The following KDM4C variants were observed in gnomAD, a reference collection of about 807,000 sequenced individuals.
The protein encoded by KDM4C is lysine-specific demethylase 4C.
Under a neutral mutation model 129.3 loss-of-function variants are expected in KDM4C, and 81 were observed. That is an observed-to-expected ratio of 0.63 (90% CI 0.52 to 0.75). KDM4C has a LOEUF of 0.75. Among genes scored for constraint, KDM4C ranks in the 30% least tolerant of loss-of-function variants. The probability of loss-of-function intolerance (pLI) is 0.00; values close to 1 mark genes in which losing one functional copy is unlikely to be tolerated. For synonymous variants in KDM4C, 573 were observed against 456.1 expected, an observed-to-expected ratio of 1.26 and a Z score of -3.26; for missense variants, 1,457 against 1,304.0, an observed-to-expected ratio of 1.12 and a Z score of -1.81.
chr9:6,935,425 C>CT (rs968936054), intron 8 of KDM4C, among the ~76,000 whole-genome samples: 29 of 145,896 alleles, frequency 2.0e-4, no homozygotes, highest in South Asian at 1.3e-3. Flanking sequence ...ATTTTTTTTT[C>CT]TTTTTTTTTG....
chr9:6,805,959 T>C (rs537960271), intron 3 of KDM4C, among the ~76,000 whole-genome samples, 185 bp downstream of exon 3: 1 of 152,290 alleles, frequency 6.6e-6, no homozygotes, highest in Admixed American at 6.5e-5. Context: ...CTTAAAGAAA[T>C]TGCTCTTTAT....
chr9:6,725,813 A>G lies in KDM4C; in HGVS notation c.49+4816A>G, dbSNP rs1253052518. On this transcript the variant is annotated intron_variant, in intron 1 of 17. Coordinates refer to the KDM4C transcript ENST00000536108. Reference sequence around the variant, plus strand: ...CAACCTCCACCTCCGTGGTTCAAGCAATTCCCCTGCTTCAGCCTCCCAAGT... The same window carrying G: ...CAACCTCCACCTCCGTGGTTCAAGCGATTCCCCTGCTTCAGCCTCCCAAGT... Among the ~76,000 whole-genome samples the G allele has an allele frequency of 4.0e-5, 6 of 149,760 alleles. No individual in the cohort carries two copies. The Admixed American group carries it at 4.0e-4, about 10-fold the overall frequency.
intron 1 of KDM4C, among the ~76,000 whole-genome samples, chr9:6,731,476 A>G (rs1230536324): frequency 6.6e-6 from 1 of 151,810 alleles, no homozygotes; most frequent in East Asian, 1.9e-4. Context: ...ACAGGCATGC[A>G]CTACCTACCA....
chr9:6,995,068 C>T (rs1424677251), intron 12 of KDM4C, among the ~76,000 whole-genome samples: 1 of 151,012 alleles, frequency 6.6e-6, no homozygotes, highest in African/African-American at 2.4e-5. Context: ...TTTTTTTTTC[C>T]CCACCCACAA....
At chr9:6,949,590 G>T (rs1414195563) in intron 8 of KDM4C, among the ~76,000 whole-genome samples, 1 of 152,228 alleles carries the variant, frequency 6.6e-6, no homozygotes, top group Non-Finnish European at 1.5e-5. Context: ...TGCAATCCCG[G>T]CACCTCGGGA....
intron 8 of KDM4C, among the ~76,000 whole-genome samples, chr9:6,980,590 G>A (rs1046478269): frequency 1.7e-4 from 26 of 151,996 alleles, no homozygotes; most frequent in African/African-American, 2.7e-4. Context: ...ACCTTTTAGC[G>A]CTCAGTTCAT....
chr9:7,030,035 A>G (rs1247237946), intron 15 of KDM4C, among the ~76,000 whole-genome samples: 2 of 152,178 alleles, frequency 1.3e-5, no homozygotes, highest in Non-Finnish European at 2.9e-5. Flanking sequence ...TATAATCTAG[A>G]TATTAAATCA....
intron 1 of KDM4C, among the ~76,000 whole-genome samples, chr9:6,790,255 G>GT (rs1335271991): frequency 4.6e-5 from 7 of 151,078 alleles, no homozygotes; most frequent in South Asian, 2.1e-4. Flanking sequence ...GCCCTGCTCT[G>GT]TTTTTTTTGT....
At chr9:7,134,493 A>G (rs899830296) in intron 19 of KDM4C, among the ~76,000 whole-genome samples, 3 of 152,230 alleles carry the variant, frequency 2.0e-5, no homozygotes, top group African/African-American at 7.2e-5. Context: ...AACTATGATT[A>G]TAAATTTAAT....
chr9:7,063,942 A>G (rs562286419), intron 17 of KDM4C, among the ~76,000 whole-genome samples: 2 of 152,322 alleles, frequency 1.3e-5, no homozygotes, highest in Admixed American at 6.5e-5. Flanking sequence ...TCTAGGTTCT[A>G]GGAAGCCTCC....
intron 12 of KDM4C, among the ~76,000 whole-genome samples, chr9:7,010,474 A>C (rs1418761757): frequency 6.6e-6 from 1 of 152,218 alleles, no homozygotes; most frequent in African/African-American, 2.4e-5. Flanking sequence ...GTAAGTCAAC[A>C]TGGGAAGGGC....
intron 8 of KDM4C, among the ~76,000 whole-genome samples, chr9:6,971,030 G>T (rs2131697657): frequency 6.6e-6 from 1 of 152,258 alleles, no homozygotes; most frequent in South Asian, 2.1e-4. Flanking sequence ...CACTGGTGAT[G>T]ACAGCGCATT....
intron 18 of KDM4C, among the ~76,000 whole-genome samples, chr9:7,127,552 A>G (rs1166281560): frequency 2.0e-5 from 3 of 152,178 alleles, no homozygotes; most frequent in African/African-American, 7.2e-5. Flanking sequence ...GACAGAGGAA[A>G]TGGTCCTGAT....
chr9:6,990,241 C>G (rs1315801212), intron 11 of KDM4C, among the ~76,000 whole-genome samples, 175 bp from the exon 12 acceptor site: 1 of 152,104 alleles, frequency 6.6e-6, no homozygotes, highest in Non-Finnish European at 1.5e-5. Flanking sequence ...AGAATTGATT[C>G]CTATTTCTTT....
At chr9:7,021,626 G>T (rs1352979148) in intron 15 of KDM4C, among the ~76,000 whole-genome samples, 1 of 152,114 alleles carries the variant, frequency 6.6e-6, no homozygotes, top group Non-Finnish European at 1.5e-5. Context: ...TCTTCACTGT[G>T]TTTTTCTTTG....
At chr9:6,761,102 C>G (rs150209319) in intron 1 of KDM4C, among the ~76,000 whole-genome samples, 1,941 of 150,920 alleles carry the variant, frequency 0.013, 47 homozygotes, top group African/African-American at 0.045. Context: ...CTCTATCTCC[C>G]AGGTTCAGGC....
At chr9:7,124,780 C>T (rs1265205128) in intron 18 of KDM4C, among the ~76,000 whole-genome samples, 2 of 152,118 alleles carry the variant, frequency 1.3e-5, no homozygotes, top group Non-Finnish European at 1.5e-5. Context: ...ACCCAGTAAT[C>T]ACTGGGGAAT....
rs569384136 is a variant in KDM4C, at chr9:7,175,295, A to G, written c.*566A>G. On this transcript the variant is annotated 3_prime_UTR_variant, in exon 22 of 22. Transcript: ENST00000381309. ...TGTATTTCCCTTGTACAGAACTTTT[A>G]CATTTTTGAATATTCCTATTACTTT... The G allele has an allele frequency of 6.5e-6, 1 of 152,758 alleles. No individual in the cohort carries two copies. Among genetic ancestry groups the G allele is most frequent in the African/African-American group, 2.4e-5 (1 of 41,562 alleles). The allele number at this position is 152,758 out of a possible 1,614,324, so 9.5% of individuals were successfully genotyped here.
At chr9:6,866,921 A>G (rs1417414844) in intron 5 of KDM4C, among the ~76,000 whole-genome samples, 6 of 147,054 alleles carry the variant, frequency 4.1e-5, no homozygotes, top group Non-Finnish European at 9.0e-5. Context: ...ATATATATAT[A>G]TAGAAAAATG....
Sources: gnomAD v4.1 joint callset for allele counts (sites outside exome capture counted in the v4.1 genomes callset) on GRCh38, gnomAD v4.1.1 for gene constraint, MANE v1.5 for transcripts, NCBI Gene and HGNC (gene_info 2026-07-23, HGNC 2026-07-21) for gene names.